PARP4: variants seen among roughly 807,000 people sequenced by gnomAD.
PARP4 encodes protein mono-ADP-ribosyltransferase PARP4.
In PARP4, 120 loss-of-function variants were observed where a neutral mutation model predicts 187.7. That is an observed-to-expected ratio of 0.64 (90% CI 0.55 to 0.74). PARP4 has a LOEUF of 0.74. PARP4 is among the 30% of genes least tolerant of loss of function. The pLI is 0.00. For missense variants in PARP4, 1,836 were observed against 2,070.5 expected (o/e 0.89, Z 2.20); for synonymous variants, 654 against 740.9 (o/e 0.88, Z 1.90).
At chr13:24,442,757 A>G in intron 28 of PARP4, 72 bp from the exon 29 acceptor site, 2 of 841,758 alleles carry the variant, frequency 2.4e-6, no homozygotes, top group Non-Finnish European at 4.0e-6. Flanking sequence ...TCATTTTAAG[A>G]TTCGTATTTC....
In PARP4 at chr13:24,497,321, A is replaced by C. The variant is rs531767954; in HGVS notation, c.591+795T>G. Among the ~76,000 whole-genome samples, 25 of 152,172 alleles carry C rather than the reference A, an allele frequency of 1.6e-4. No individual in the cohort carries two copies. The South Asian group carries it at 4.8e-3, about 29-fold the overall frequency. ...ACAGTGGATTGTAATGATGAGTGTT[A>C]TTTCTTTCTAGACAGTGATCTCTGA... On this transcript the variant is annotated intron_variant, in intron 6 of 33. Transcript: ENST00000381989.
rs1434314034 is a variant in PARP4, at chr13:24,434,760, G to C, written c.4381C>G (p.Pro1461Ala). The C allele has an allele frequency of 1.2e-6, 2 of 1,613,046 alleles. No individual in the cohort carries two copies. Residue 1461 changes from proline to alanine, a missense_variant, in exon 31 of 34, where the codon CCT becomes GCT. Transcript: ENST00000381989. Reference protein sequence around the residue: ...FGSYHPSASSPFHFQPSAASL... With the variant: ...FGSYHPSASSAFHFQPSAASL... ...GCTGCGGAAGGTTGAAAATGAAAAG[G>C]AGAGGAAGCAGAGGGATGATAAGAC...
chr13:24,459,428 C>T (rs1245747582), intron 18 of PARP4, 118 bp from the exon 19 acceptor site: 2 of 955,724 alleles, frequency 2.1e-6, no homozygotes, highest in African/African-American at 1.7e-5. Context: ...GTTTCACTTT[C>T]AAGCAGTGAA....
chr13:24,433,421 C>T (rs1002412591), intron 31 of PARP4, among the ~76,000 whole-genome samples: 1 of 152,158 alleles, frequency 6.6e-6, no homozygotes, highest in African/African-American at 2.4e-5. Context: ...ACTTTGTCAC[C>T]CCCATGACCT....
At chr13:24,502,374 T>C (rs12873058) in intron 2 of PARP4, among the ~76,000 whole-genome samples, 41,920 of 152,150 alleles carry the variant, frequency 0.28, 6,517 homozygotes, top group South Asian at 0.46. Flanking sequence ...ATTCACATTG[T>C]AGAATATCTA....
In PARP4 at chr13:24,421,023, G is replaced by T; in HGVS notation, c.*96C>A. On this transcript the variant is annotated 3_prime_UTR_variant, in exon 34 of 34. Transcript: ENST00000381989. ...AAAGACAGTAATTGCTACACTGAAT[G>T]AAACCTTAATGAAGTTTCATTATAA... The T allele has an allele frequency of 6.8e-7, 1 of 1,475,380 alleles. No homozygotes were observed. Among genetic ancestry groups the T allele is most frequent in the Middle Eastern group, 2.5e-4 (1 of 4,008 alleles). 91.4% of individuals were successfully genotyped at this position (1,475,380 alleles called of 1,614,324 possible).
intron 14 of PARP4, among the ~76,000 whole-genome samples, chr13:24,477,457 C>CAA (rs35563035): frequency 2.7e-5 from 4 of 149,726 alleles, no homozygotes; most frequent in South Asian, 2.1e-4. Flanking sequence ...GACCCTGTCT[C>CAA]AAAAAAAAAG....
chr13:24,497,395 T>C (rs187716733), intron 6 of PARP4, among the ~76,000 whole-genome samples: 19 of 152,314 alleles, frequency 1.2e-4, no homozygotes, highest in South Asian at 4.1e-4. Flanking sequence ...CCCTAGTCGA[T>C]TGCTTGGTAC....
chr13:24,468,401 T>A (rs1328010819), intron 17 of PARP4, among the ~76,000 whole-genome samples: 1 of 28,990 alleles, frequency 3.4e-5, no homozygotes, highest in Non-Finnish European at 7.9e-5. Context: ...ATCACACTCC[T>A]TTTTTTTTTT....
chr13:24,451,504 CGGGGCCACAGAGGGGCATT>C (rs967456605), intron 24 of PARP4, among the ~76,000 whole-genome samples: 1 of 150,874 alleles, frequency 6.6e-6, no homozygotes, highest in Non-Finnish European at 1.5e-5. Flanking sequence ...GGAGGGGCAT[CGGGGCCACAGAGGGGCATT>C]GGGGGTGCTG....
intron 24 of PARP4, chr13:24,452,173 G>C (rs903716938): frequency 4.6e-6 from 2 of 437,948 alleles, no homozygotes; most frequent in Non-Finnish European, 8.0e-6. Context: ...TATCACCTTG[G>C]TTTTACAGAT....
intron 33 of PARP4, among the ~76,000 whole-genome samples, chr13:24,421,707 A>G (rs1435825790): frequency 6.6e-6 from 1 of 152,238 alleles, no homozygotes; most frequent in African/African-American, 2.4e-5. Context: ...TCTCCTTCCC[A>G]CTGTACTGAC....
chr13:24,493,462 C>G (rs763648633), intron 8 of PARP4, 134 bp downstream of exon 8: 4 of 780,980 alleles, frequency 5.1e-6, no homozygotes, highest in Admixed American at 6.2e-5. Context: ...TCTTCAGTAC[C>G]GGTACAAGGA....
chr13:24,434,840 G>T lies in PARP4; in HGVS notation c.4301C>A (p.Ser1434Tyr). ...PSAGTFPELDSPQLHFSLPTD... is the reference protein window; with the variant it reads ...PSAGTFPELDYPQLHFSLPTD... Reference sequence around the variant, plus strand: ...AGGAAGAGAGAAATGAAGCTGGGGAGAATCCAGCTCAGGGAAGGTGCCAGC... The same window carrying T: ...AGGAAGAGAGAAATGAAGCTGGGGATAATCCAGCTCAGGGAAGGTGCCAGC... Residue 1434 changes from serine to tyrosine, a missense_variant, in exon 31 of 34, where the codon TCT (serine) becomes TAT (tyrosine). Ser to Tyr is a moderately radical substitution (Grantham distance 144). This residue lies in a region of PARP4 where 450 missense variants were observed against 439.2 expected (regional missense o/e 1.02). Coordinates refer to ENST00000381989, the MANE Select transcript of PARP4 (RefSeq NM_006437.4). 6.2e-7 allele frequency: 1 copy of T among 1,613,698 alleles called. No homozygotes were observed.
At chr13:24,438,359 A>C in intron 30 of PARP4, among the ~76,000 whole-genome samples, 1 of 152,156 alleles carries the variant, frequency 6.6e-6, no homozygotes, top group East Asian at 1.9e-4. Context: ...CTCAGGCGGT[A>C]ATGCTCCCTC....
At chr13:24,459,748 G>T (rs1872101253) in intron 18 of PARP4, among the ~76,000 whole-genome samples, 2 of 149,328 alleles carry the variant, frequency 1.3e-5, no homozygotes, top group Admixed American at 1.3e-4. Flanking sequence ...AACATTTTTT[G>T]AGTGATTAAG....
intron 2 of PARP4, 103 bp from the exon 3 acceptor site, chr13:24,501,937 T>C (rs908683873): frequency 1.4e-6 from 1 of 718,592 alleles, no homozygotes; most frequent in Non-Finnish European, 2.3e-6. Context: ...TAAGGTAGTT[T>C]GTGATAATCT....
chr13:24,457,398 A>G (rs1445656287), intron 20 of PARP4, among the ~76,000 whole-genome samples: 1 of 152,160 alleles, frequency 6.6e-6, no homozygotes, highest in Non-Finnish European at 1.5e-5. Flanking sequence ...GCTGTGGCCA[A>G]TGATATGTTG....
At chr13:24,431,511 A>T (rs1225931395) in intron 31 of PARP4, 35 bp from the exon 32 acceptor site, 1 of 1,357,160 alleles carries the variant, frequency 7.4e-7, no homozygotes, top group African/African-American at 1.4e-5. Context: ...AAGTTATGTT[A>T]TTCACATTTT....
Sources: allele counts gnomAD v4.1 joint callset (sites outside exome capture counted in the v4.1 genomes callset), GRCh38; gene constraint gnomAD v4.1.1; regional missense constraint gnomAD v4.1.1; transcripts MANE v1.5; gene names NCBI Gene and HGNC (gene_info 2026-07-23, HGNC 2026-07-21).